The following VPS11 variants were observed in gnomAD, a reference collection of about 807,000 sequenced individuals.
The protein encoded by VPS11 is vacuolar protein sorting-associated protein 11 homolog.
Under a neutral mutation model 106.8 loss-of-function variants are expected in VPS11, and 51 were observed. That is an observed-to-expected ratio of 0.48 (90% CI 0.38 to 0.60). The LOEUF is 0.60. Among genes scored for constraint, VPS11 ranks in the 20% least tolerant of loss-of-function variants. VPS11 has a pLI of 0.00. For missense variants in VPS11, 950 were observed against 1,190.0 expected, an observed-to-expected ratio of 0.80 and a Z score of 2.97; for synonymous variants, 453 against 458.7, an observed-to-expected ratio of 0.99 and a Z score of 0.16.
intron 14 of VPS11, among the ~76,000 whole-genome samples, chr11:119,080,271 TG>T (rs1411801628): frequency 6.6e-6 from 1 of 152,030 alleles, no homozygotes; most frequent in Non-Finnish European, 1.5e-5. Context: ...TTGGCCAGGC[TG>T]GTCTTGAACT....
chr11:119,069,930 G>A (rs1272668682), intron 3 of VPS11, among the ~76,000 whole-genome samples: 3 of 151,696 alleles, frequency 2.0e-5, no homozygotes, highest in East Asian at 1.9e-4. Flanking sequence ...CCTGGGAGGC[G>A]GAGTTTGCAG....
chr11:119,074,080 T>C (rs1592188133), intron 7 of VPS11, 129 bp downstream of exon 7: 1 of 1,209,254 alleles, frequency 8.3e-7, no homozygotes, highest in East Asian at 2.6e-5. Flanking sequence ...TGGTTTTTTG[T>C]TTGTTTTTGT....
At position 119,071,856 on chromosome 11, in the gene VPS11, T is replaced by A; in HGVS notation, c.884+13T>A. On this transcript the variant is annotated intron_variant, in intron 5 of 15. Transcript: ENST00000621676. ...AGGTTTCTCCCAAGTAAGGACTCAG[T>A]GAGAAGGGACAGGGAGAGGGCTGGA... 1 of 1,608,968 alleles carries A rather than the reference T, an allele frequency of 6.2e-7. No homozygotes were observed. Among genetic ancestry groups the A allele is most frequent in the Non-Finnish European group, 8.5e-7 (1 of 1,175,910 alleles).
intron 1 of VPS11, among the ~76,000 whole-genome samples, chr11:119,068,407 T>C (rs1945203273): frequency 2.0e-5 from 3 of 151,660 alleles, no homozygotes; most frequent in African/African-American, 7.3e-5. Flanking sequence ...GTTGCTTTCA[T>C]CTTCATGTTG....
intron 8 of VPS11, 138 bp from the exon 9 acceptor site, chr11:119,077,363 C>T (rs1237266954): frequency 7.8e-7 from 1 of 1,285,086 alleles, no homozygotes; most frequent in Non-Finnish European, 1.1e-6. Flanking sequence ...CAGAAACTCC[C>T]ACAGGCTGAG....
At position 119,081,899 on chromosome 11, in the gene VPS11, T is replaced by C; in HGVS notation, c.*276T>C. 2.3e-6 allele frequency: 1 copy of C among 442,420 alleles called. No individual in the cohort carries two copies. Among genetic ancestry groups the C allele is most frequent in the Non-Finnish European group, 4.0e-6 (1 of 247,880 alleles). The allele number at this position is 442,420 out of a possible 1,614,324, so 27.4% of individuals were successfully genotyped here. A position where few individuals can be genotyped will look rare whatever the true frequency, so the allele number is the denominator to read the frequency against. Reference sequence around the variant, plus strand: ...TGTGGACAATAGCTGCTTTCTTCTCTATCCAAGAGCACCAGGCTGTGCTTG... The same window carrying C: ...TGTGGACAATAGCTGCTTTCTTCTCCATCCAAGAGCACCAGGCTGTGCTTG... On this transcript the variant is annotated 3_prime_UTR_variant, in exon 16 of 16. Transcript: ENST00000621676.
Position 119,081,101 on chromosome 11 carries a change from T to A in VPS11, c.2448T>A (p.Ile816=), listed in dbSNP as rs1282470621. Residue 816 remains isoleucine, a synonymous_variant, in exon 15 of 16, where the codon ATT becomes ATA. Coordinates refer to ENST00000621676, the MANE Select transcript of VPS11 (RefSeq NM_021729.6). ...TCTTTCTTCCCTGTAGTCCTAAGAT[T>A]TTCCAAAAGACCAAGTGCAGCATCT... The part of the protein sequence containing the change: ...EIQELKASPK[I]FQKTKCSICN... 3 of 1,613,800 alleles carry A rather than the reference T, an allele frequency of 1.9e-6. No individual in the cohort carries two copies. In the African/African-American group the frequency reaches 4.0e-5, roughly 22 times the overall value.
At chr11:119,075,304 T>C (rs1022223239) in intron 7 of VPS11, among the ~76,000 whole-genome samples, 1 of 151,726 alleles carries the variant, frequency 6.6e-6, no homozygotes, top group African/African-American at 2.4e-5. Context: ...TGCAGTGGCA[T>C]GTGCCTGTGA....
chr11:119,071,487 A>G, intron 4 of VPS11, 109 bp from the exon 5 acceptor site: 2 of 1,400,498 alleles, frequency 1.4e-6, no homozygotes, highest in Non-Finnish European at 1.9e-6. Flanking sequence ...GAAAGACTTT[A>G]GAATGCCAAG....
intron 5 of VPS11, 59 bp from the exon 6 acceptor site, chr11:119,073,139 A>C (rs1195686950): frequency 6.4e-7 from 1 of 1,551,562 alleles, no homozygotes; most frequent in African/African-American, 1.4e-5. Flanking sequence ...ATGGGAAAGG[A>C]AATAGGGGAG....
chr11:119,068,104 G>C, intron 1 of VPS11, 94 bp downstream of exon 1: 1 of 1,392,306 alleles, frequency 7.2e-7, no homozygotes, highest in Non-Finnish European at 9.5e-7. Context: ...CGTGCCGCGC[G>C]CCTCTTTGGT....
Position 119,078,718 on chromosome 11 carries a change from G to A in VPS11, c.2063+14G>A, listed in dbSNP as rs1273276661. The stretch of plus-strand genomic sequence containing the variant: ...GCAGGGGAAGCTGTAAGAGTTTGGG[G>A]AATTTCAGGGAAAGGGGAAGAATCC... On this transcript the variant is annotated intron_variant, in intron 12 of 15. Coordinates refer to ENST00000621676, the MANE Select transcript of VPS11 (RefSeq NM_021729.6). The A allele has an allele frequency of 8.7e-6, 14 of 1,609,614 alleles. No homozygotes were observed. The highest frequency in any genetic ancestry group is 1.2e-5 in the Non-Finnish European group (14 of 1,177,374).
At chr11:119,068,532 C>A (rs1345020143) in intron 1 of VPS11, among the ~76,000 whole-genome samples, 1 of 148,338 alleles carries the variant, frequency 6.7e-6, no homozygotes, top group Non-Finnish European at 1.5e-5. Flanking sequence ...TCACTGTAAC[C>A]GTCTCTTGAG....
chr11:119,075,899 C>CA (rs1267646174), intron 7 of VPS11, among the ~76,000 whole-genome samples: 1 of 147,362 alleles, frequency 6.8e-6, no homozygotes, highest in Non-Finnish European at 1.5e-5. Flanking sequence ...AAGACTCTAT[C>CA]AAAAAAATAA....
rs782636829 is a variant in VPS11 at position 119,081,171 on chromosome 11, C to T, written c.2518C>T (p.His840Tyr). Residue 840 changes from histidine (H) to tyrosine (Y), a missense_variant, in exon 15 of 16, where the codon CAC becomes TAC. This residue lies in a region of VPS11 where 453 missense variants were observed against 514.6 expected (regional missense o/e 0.88). Transcript: ENST00000621676. ...ELPSVHFLCG[H>Y]SFHQHCFESY... ...GCCCTCAGTCCACTTCCTGTGTGGC[C>T]ACTCCTTCCACCAACACTGCTTTGA... 1 of 1,614,018 alleles carries T rather than the reference C, an allele frequency of 6.2e-7. No homozygotes were observed. The highest frequency in any genetic ancestry group is 8.5e-7 in the Non-Finnish European group (1 of 1,179,890).
chr11:119,073,196 A>G lies in VPS11; in HGVS notation c.885-2A>G, dbSNP rs1945464821. The G allele has an allele frequency of 6.2e-7, 1 of 1,611,376 alleles. No homozygotes were observed. Among genetic ancestry groups the G allele is most frequent in the Non-Finnish European group, 8.5e-7 (1 of 1,178,648 alleles). On this transcript the variant is annotated splice_acceptor_variant, in intron 5 of 15. Coordinates refer to ENST00000621676, the MANE Select transcript of VPS11 (RefSeq NM_021729.6). LOFTEE classifies it high-confidence loss of function. ...ATCTGGTGCTTTTTCTTTCCTATGCAGGTCAGAGTTTACCAGCAGGGATTC... is the reference window on the plus strand; with the variant it reads ...ATCTGGTGCTTTTTCTTTCCTATGCGGGTCAGAGTTTACCAGCAGGGATTC...
intron 4 of VPS11, among the ~76,000 whole-genome samples, 160 bp from the exon 5 acceptor site, chr11:119,071,436 A>G (rs1261383855): frequency 2.6e-5 from 4 of 152,220 alleles, no homozygotes; most frequent in African/African-American, 7.2e-5. Flanking sequence ...TATATATTTA[A>G]TAGATGGGTA....
chr11:119,071,472 C>G, intron 4 of VPS11, 124 bp from the exon 5 acceptor site: 1 of 1,265,760 alleles, frequency 7.9e-7, no homozygotes, highest in Non-Finnish European at 1.1e-6. Flanking sequence ...GGCCAGCAGC[C>G]AAGAGAAAGA....
intron 1 of VPS11, 188 bp downstream of exon 1, chr11:119,068,198 C>A: frequency 1.7e-6 from 1 of 594,288 alleles, no homozygotes; most frequent in Non-Finnish European, 2.7e-6. Flanking sequence ...ACTGAGCAAT[C>A]CTGGGCAAGT....
Sources: allele counts gnomAD v4.1 joint callset (sites outside exome capture counted in the v4.1 genomes callset), GRCh38; gene constraint gnomAD v4.1.1; regional missense constraint gnomAD v4.1.1; transcripts MANE v1.5; gene names NCBI Gene and HGNC (gene_info 2026-07-23, HGNC 2026-07-21).